Variants in NPSR1 observed in about 807,000 individuals in gnomAD.
NPSR1 encodes neuropeptide S receptor 1.
NPSR1 carries 48 observed loss-of-function variants against 46.9 expected under a neutral mutation model. That is an observed-to-expected ratio of 1.02 (90% CI 0.81 to 1.30). The LOEUF is 1.30. Among genes scored for constraint, NPSR1 ranks in the 50% most tolerant of loss-of-function variants. NPSR1 has a pLI of 0.00. For synonymous variants in NPSR1, 176 were observed against 168.1 expected, an observed-to-expected ratio of 1.05 and a Z score of -0.36; for missense variants, 450 against 449.5, an observed-to-expected ratio of 1.00 and a Z score of -0.01.
In NPSR1 at chr7:34,832,358, C is replaced by T. The variant is rs534307556; in HGVS notation, c.681-2026C>T. Among the ~76,000 whole-genome samples the T allele has an allele frequency of 3.5e-3, 527 of 152,204 alleles. 5 individuals are homozygous for T. Among genetic ancestry groups the T allele is most frequent in the South Asian group, 1.0e-2 (48 of 4,814 alleles). ...AGACCAGCCTGGCAGCATGGTGAAA[C>T]CCTGTCTCTATAAAATATACAAAAA... is the stretch of plus-strand genomic sequence containing the variant. On this transcript the variant is annotated intron_variant, in intron 5 of 8. Coordinates refer to ENST00000360581, the MANE Select transcript of NPSR1 (RefSeq NM_207172.2).
At chr7:34,836,755 G>A (rs928731714) in intron 6 of NPSR1, among the ~76,000 whole-genome samples, 16 of 143,370 alleles carry the variant, frequency 1.1e-4, no homozygotes, top group Admixed American at 2.8e-4. Flanking sequence ...GAAGAGAGGC[G>A]GGGGGGAAGA....
At chr7:34,659,320 A>C (rs1791340381) in intron 1 of NPSR1, among the ~76,000 whole-genome samples, 1 of 152,204 alleles carries the variant, frequency 6.6e-6, no homozygotes, top group Admixed American at 6.5e-5. Flanking sequence ...GTTATTTCAC[A>C]CCTGTCTAAC....
chr7:34,769,418 C>T (rs983387266), intron 2 of NPSR1, among the ~76,000 whole-genome samples: 1 of 152,148 alleles, frequency 6.6e-6, no homozygotes, highest in Admixed American at 6.5e-5. Context: ...GAGACATAAA[C>T]ATTCAACAAC....
At chr7:34,703,483 C>G (rs1406803443) in intron 2 of NPSR1, among the ~76,000 whole-genome samples, 2 of 152,048 alleles carry the variant, frequency 1.3e-5, no homozygotes, top group African/African-American at 4.8e-5. Flanking sequence ...CCCTACAATG[C>G]CCAGAGCAGT....
chr7:34,742,665 T>C (rs1785005633), intron 2 of NPSR1, among the ~76,000 whole-genome samples: 1 of 152,206 alleles, frequency 6.6e-6, no homozygotes, highest in Non-Finnish European at 1.5e-5. Context: ...ATGATTTATA[T>C]TTCTCTGGGT....
intron 8 of NPSR1, chr7:34,849,359 C>G (rs1352333308): frequency 1.9e-6 from 3 of 1,551,722 alleles, no homozygotes; most frequent in Non-Finnish European, 1.7e-6. Flanking sequence ...CCTGTGATGT[C>G]TCTGTCCTCT....
At position 34,783,198 on chromosome 7, in the gene NPSR1, G is replaced by A. The variant is rs370100940; in HGVS notation, c.384+4633G>A. Among the ~76,000 whole-genome samples the A allele has an allele frequency of 4.6e-5, 7 of 152,264 alleles. No individual in the cohort carries two copies. In the South Asian group the frequency reaches 1.4e-3, roughly 32 times the overall value. Reference sequence around the variant, plus strand: ...TCCATTCTCATACTGCTATAAGAATGTATTCAAGACTGGGTAATTTATAAG... The same window carrying A: ...TCCATTCTCATACTGCTATAAGAATATATTCAAGACTGGGTAATTTATAAG... On this transcript the variant is annotated intron_variant, in intron 3 of 8. Coordinates refer to ENST00000360581, the MANE Select transcript of NPSR1 (RefSeq NM_207172.2).
At chr7:34,811,623 GA>G in intron 3 of NPSR1, 146 bp from the exon 4 acceptor site, 1 of 548,652 alleles carries the variant, frequency 1.8e-6, no homozygotes, top group South Asian at 2.7e-5. Flanking sequence ...GTCCATGTAA[GA>G]GAGTTATTTC....
At chr7:34,793,053 A>G (rs966988524) in intron 3 of NPSR1, among the ~76,000 whole-genome samples, 2 of 151,796 alleles carry the variant, frequency 1.3e-5, no homozygotes, top group Non-Finnish European at 2.9e-5. Context: ...ATAACCAGGC[A>G]TATTGGCATG....
chr7:34,817,948 C>T (rs899323722), intron 4 of NPSR1, among the ~76,000 whole-genome samples: 3 of 152,162 alleles, frequency 2.0e-5, no homozygotes, highest in African/African-American at 7.2e-5. Context: ...ATGACAAACT[C>T]ACATCCAATA....
At chr7:34,772,594 C>T (rs1786737643) in intron 2 of NPSR1, among the ~76,000 whole-genome samples, 1 of 152,134 alleles carries the variant, frequency 6.6e-6, no homozygotes, top group Non-Finnish European at 1.5e-5. Context: ...CTTGCCTTGT[C>T]TTTGTACAAC....
intron 8 of NPSR1, among the ~76,000 whole-genome samples, chr7:34,875,810 T>C (rs1791561019): frequency 6.6e-6 from 1 of 152,056 alleles, no homozygotes. Flanking sequence ...TTAAAGGATT[T>C]CAATGGCAGA....
chr7:34,786,335 A>G (rs1396892079), intron 3 of NPSR1, among the ~76,000 whole-genome samples: 4 of 152,110 alleles, frequency 2.6e-5, no homozygotes, highest in Non-Finnish European at 4.4e-5. Context: ...AAGAAAGTGA[A>G]GCAATTCAGT....
At chr7:34,856,233 A>G (rs1400507299) in intron 8 of NPSR1, among the ~76,000 whole-genome samples, 1 of 148,950 alleles carries the variant, frequency 6.7e-6, no homozygotes, top group Non-Finnish European at 1.5e-5. Flanking sequence ...AGATATAAAT[A>G]TATAGCTGAA....
chr7:34,762,350 C>T (rs552421671), intron 2 of NPSR1, among the ~76,000 whole-genome samples: 6 of 152,180 alleles, frequency 3.9e-5, no homozygotes, highest in Admixed American at 6.5e-5. Flanking sequence ...TTCATCTTGG[C>T]GAAGGACACA....
intron 2 of NPSR1, chr7:34,718,899 A>G (rs1198314944): frequency 6.6e-6 from 1 of 152,242 alleles, no homozygotes; most frequent in Non-Finnish European, 1.5e-5. Flanking sequence ...AACATATAAC[A>G]TAGAAAGATT....
chr7:34,681,711 C>T (rs961581178), intron 1 of NPSR1, among the ~76,000 whole-genome samples: 16 of 152,234 alleles, frequency 1.1e-4, no homozygotes, highest in South Asian at 1.0e-3. Context: ...TTAACTCTAG[C>T]GTTGAAGTGC....
intron 2 of NPSR1, among the ~76,000 whole-genome samples, chr7:34,718,197 A>G (rs955752931): frequency 6.6e-6 from 1 of 152,210 alleles, no homozygotes; most frequent in Non-Finnish European, 1.5e-5. Flanking sequence ...ACAATAATAA[A>G]ATGTTAACAT....
intron 8 of NPSR1, among the ~76,000 whole-genome samples, chr7:34,866,748 G>A (rs777487303): frequency 5.9e-5 from 9 of 151,610 alleles, no homozygotes; most frequent in Non-Finnish European, 8.8e-5. Context: ...GCACTCTAGG[G>A]AAAAGGAGAG....
Sources: allele counts gnomAD v4.1 joint callset (sites outside exome capture counted in the v4.1 genomes callset), GRCh38; gene constraint gnomAD v4.1.1; transcripts MANE v1.5; gene names NCBI Gene and HGNC (gene_info 2026-07-23, HGNC 2026-07-21).